NEMP1: variants seen among roughly 807,000 people sequenced by gnomAD.
NEMP1 encodes nuclear envelope integral membrane protein 1, also known as transmembrane protein 194.
A neutral mutation model predicts 53.7 loss-of-function variants in NEMP1; 29 were observed. That is an observed-to-expected ratio of 0.54 (90% CI 0.40 to 0.74). NEMP1 has a LOEUF of 0.74. Among genes scored for constraint, NEMP1 ranks in the 30% least tolerant of loss-of-function variants. NEMP1 has a pLI of 0.00. For synonymous variants in NEMP1, 193 were observed against 192.9 expected (o/e 1.00, Z 0.00); for missense variants, 477 against 528.6 (o/e 0.90, Z 0.96).
Position 57,060,024 on chromosome 12 carries a change from G to A in NEMP1, c.1190C>T (p.Thr397Met), listed in dbSNP as rs1006583185. The A allele has an allele frequency of 1.6e-5, 26 of 1,613,856 alleles. No individual in the cohort carries two copies. Among genetic ancestry groups the A allele is most frequent in the African/African-American group, 2.7e-5 (2 of 74,868 alleles). Residue 397 changes from threonine (T) to methionine (M), a missense_variant, in exon 9 of 9, where the codon ACG becomes ATG. Transcript: ENST00000300128. Reference sequence around the variant, plus strand: ...CTCATGGACAGAAACTTCATTTGGCGTGAGGTGGGAAGAGCCTTCCACAAA... The same window carrying A: ...CTCATGGACAGAAACTTCATTTGGCATGAGGTGGGAAGAGCCTTCCACAAA... ...ADFVEGSSHL[T>M]PNEVSVHEQE... is the part of the protein sequence containing the mutation.
chr12:57,066,236 G>C (rs7135297), intron 4 of NEMP1, among the ~76,000 whole-genome samples: 28,455 of 151,998 alleles, frequency 0.19, 3,388 homozygotes, highest in African/African-American at 0.35. Flanking sequence ...GCCTGGGCAA[G>C]AGAGCAAGAC....
At chr12:57,068,218 T>C (rs186114554) in intron 4 of NEMP1, among the ~76,000 whole-genome samples, 2 of 152,356 alleles carry the variant, frequency 1.3e-5, no homozygotes, top group East Asian at 3.9e-4. Flanking sequence ...TTTTTACTTG[T>C]ATACAAACTT....
At position 57,070,957 on chromosome 12, in the gene NEMP1, C is replaced by T. The variant is rs548221427; in HGVS notation, c.253-64G>A. 2.8e-6 allele frequency: 4 copies of T among 1,413,634 alleles called. No individual in the cohort carries two copies. The African/African-American group carries it at 4.3e-5, about 15-fold the overall frequency. The allele number at this position is 1,413,634 out of a possible 1,614,324, so 87.6% of individuals were successfully genotyped here. A position where few individuals can be genotyped will look rare whatever the true frequency, so the allele number is the denominator to read the frequency against. ...TAGGAATTTTAATTTTTCACAAATACAATTTTTTAAAAAACCCTCAGACTA... is the reference window on the plus strand; with the variant it reads ...TAGGAATTTTAATTTTTCACAAATATAATTTTTTAAAAAACCCTCAGACTA... On this transcript the variant is annotated intron_variant, in intron 2 of 8. Transcript: ENST00000300128.
intron 1 of NEMP1, among the ~76,000 whole-genome samples, chr12:57,075,250 C>T (rs1219910605): frequency 6.7e-6 from 1 of 148,374 alleles, no homozygotes; most frequent in Non-Finnish European, 1.5e-5. Context: ...TAGCTGGGTA[C>T]GGTGGCGGGC....
Position 57,055,925 on chromosome 12 carries a change from T to C in NEMP1, c.*3954A>G, listed in dbSNP as rs1340631390. The C allele has an allele frequency of 1.3e-5, 2 of 152,260 alleles. No individual in the cohort carries two copies. Among genetic ancestry groups the C allele is most frequent in the East Asian group, 3.8e-4 (2 of 5,206 alleles). The allele number at this position is 152,260 out of a possible 1,614,324, so 9.4% of individuals were successfully genotyped here. A position where few individuals can be genotyped will look rare whatever the true frequency, so the allele number is the denominator to read the frequency against. The stretch of plus-strand genomic sequence containing the variant: ...ATTCCACAAACATGGAAAATTATGG[T>C]AACTGCAGGCTGTAACAGTTTCTAA... On this transcript the variant is annotated 3_prime_UTR_variant, in exon 9 of 9. Coordinates refer to ENST00000300128, the MANE Select transcript of NEMP1 (RefSeq NM_001130963.2).
chr12:57,085,955 C>T (rs913032730), intron 1 of NEMP1, among the ~76,000 whole-genome samples: 1 of 152,228 alleles, frequency 6.6e-6, no homozygotes, highest in Admixed American at 6.5e-5. Context: ...CACCAGATAA[C>T]AGGCCTATCC....
At chr12:57,068,777 A>T (rs1165750141) in intron 4 of NEMP1, among the ~76,000 whole-genome samples, 4 of 152,186 alleles carry the variant, frequency 2.6e-5, no homozygotes, top group Non-Finnish European at 2.9e-5. Flanking sequence ...CGTGTTAGCC[A>T]GGATGGTCTC....
intron 6 of NEMP1, 150 bp from the exon 7 acceptor site, chr12:57,063,494 A>G (rs1018440442): frequency 1.5e-6 from 1 of 671,794 alleles, no homozygotes; most frequent in Non-Finnish European, 2.5e-6. Flanking sequence ...TTCTTAGAAT[A>G]TATTTCTCTA....
intron 4 of NEMP1, among the ~76,000 whole-genome samples, chr12:57,065,264 T>C (rs766855293): frequency 3.3e-5 from 5 of 152,204 alleles, no homozygotes; most frequent in Admixed American, 6.5e-5. Flanking sequence ...TACTGTCTGA[T>C]AGCATTTTAC....
chr12:57,073,062 A>G, intron 1 of NEMP1, 150 bp from the exon 2 acceptor site: 1 of 581,228 alleles, frequency 1.7e-6, no homozygotes, highest in Admixed American at 3.6e-5. Flanking sequence ...GAGAAGAAGG[A>G]AGAACTAAGG....
At chr12:57,081,092 C>T (rs568188999), upstream of NEMP1, among the ~76,000 whole-genome samples, 2 of 152,212 alleles carry the variant, frequency 1.3e-5, no homozygotes, top group African/African-American at 4.8e-5. Flanking sequence ...ATGAAAATGG[C>T]ATTTTAACTC....
At chr12:57,064,606 C>G (rs1185710484) in intron 5 of NEMP1, 40 bp downstream of exon 5, 2 of 1,487,198 alleles carry the variant, frequency 1.3e-6, no homozygotes, top group Non-Finnish European at 1.9e-6. Flanking sequence ...TTCAGCTATC[C>G]AAATTCATTC....
intron 4 of NEMP1, among the ~76,000 whole-genome samples, chr12:57,066,768 G>A (rs1353899941): frequency 1.3e-5 from 2 of 150,088 alleles, no homozygotes; most frequent in Non-Finnish European, 2.9e-5. Context: ...GGAGGGAACT[G>A]GTGGGAGATA....
chr12:57,076,091 AAAAT>A (rs773039997), intron 1 of NEMP1, among the ~76,000 whole-genome samples: 24 of 152,262 alleles, frequency 1.6e-4, no homozygotes, highest in South Asian at 8.3e-4. Context: ...CCATCTCAAA[AAAAT>A]AAATAAATAA....
At chr12:57,063,554 T>G (rs1350117571) in intron 6 of NEMP1, among the ~76,000 whole-genome samples, 1 of 152,248 alleles carries the variant, frequency 6.6e-6, no homozygotes, top group East Asian at 1.9e-4. Context: ...AAACAGAACA[T>G]TAAAGGTACA....
At chr12:57,077,330 TAA>T (rs769555548) in intron 1 of NEMP1, among the ~76,000 whole-genome samples, 27 of 106,494 alleles carry the variant, frequency 2.5e-4, no homozygotes, top group South Asian at 3.0e-4. Context: ...AGACTCTGTT[TAA>T]AAAAAAAAAA....
rs1332644854 is a variant in NEMP1 at position 57,059,484 on chromosome 12, T to C, written c.*395A>G. 1.9e-5 allele frequency: 3 copies of C among 157,694 alleles called. No individual in the cohort carries two copies. The highest frequency in any genetic ancestry group is 4.8e-5 in the African/African-American group (2 of 41,690). 9.8% of individuals were successfully genotyped at this position (157,694 alleles called of 1,614,324 possible). A position where few individuals can be genotyped will look rare whatever the true frequency, so the allele number is the denominator to read the frequency against. On this transcript the variant is annotated 3_prime_UTR_variant, in exon 9 of 9. Coordinates refer to ENST00000300128, the MANE Select transcript of NEMP1 (RefSeq NM_001130963.2). ...ATTTCTCTCTGGAAGTTGCAGCCTA[T>C]AGTCTAAAAGCATTCCTGCACTTAA...
chr12:57,073,642 C>T (rs1400517863), intron 1 of NEMP1, among the ~76,000 whole-genome samples: 1 of 151,962 alleles, frequency 6.6e-6, no homozygotes, highest in African/African-American at 2.4e-5. Flanking sequence ...AAAACTCTGT[C>T]TCAAAAAAAT....
Position 57,070,874 on chromosome 12 carries a change from C to T in NEMP1, c.272G>A (p.Arg91Lys). 1 of 1,613,916 alleles carries T rather than the reference C, an allele frequency of 6.2e-7. No individual in the cohort carries two copies. Among genetic ancestry groups the T allele is most frequent in the Non-Finnish European group, 8.5e-7 (1 of 1,179,918 alleles). The change falls in exon 3 of 9, where the codon AGA (arginine) becomes AAA (lysine). Residue 91 changes from arginine (R) to lysine (K), a missense_variant. Transcript: ENST00000300128. ...CTCCACCTGGGTGACTCGAACCAAT[C>T]TGGAACTATTTACTCGGATCTGTAA... ...TRIQIRVNSS[R>K]LVRVTQVENE...
Sources: gnomAD v4.1 joint callset for allele counts (sites outside exome capture counted in the v4.1 genomes callset) on GRCh38, gnomAD v4.1.1 for gene constraint, MANE v1.5 for transcripts, NCBI Gene and HGNC (gene_info 2026-07-23, HGNC 2026-07-21) for gene names.